The following NRXN3 variants were observed in gnomAD, a reference collection of about 807,000 sequenced individuals.
NRXN3 encodes the protein neurexin III.
Under a neutral mutation model 137.6 loss-of-function variants are expected in NRXN3, and 32 were observed. That is an observed-to-expected ratio of 0.23 (90% CI 0.18 to 0.31). NRXN3 has a LOEUF of 0.31. NRXN3 is among the 10% of genes least tolerant of loss of function. The pLI, the probability that NRXN3 is intolerant of heterozygous loss-of-function variation, is 1.00. For missense variants in NRXN3, 1,574 were observed against 2,062.5 expected (o/e 0.76, Z 4.59); for synonymous variants, 798 against 784.5 (o/e 1.02, Z -0.29).
At chr14:78,929,244 G>A (rs1008844770) in intron 10 of NRXN3, among the ~76,000 whole-genome samples, 1 of 152,030 alleles carries the variant, frequency 6.6e-6, no homozygotes, top group Non-Finnish European at 1.5e-5. Flanking sequence ...ACATGTGCAT[G>A]TTTTTTATAT....
intron 15 of NRXN3, among the ~76,000 whole-genome samples, chr14:79,170,012 G>T (rs1210433175): frequency 2.0e-5 from 3 of 152,080 alleles, no homozygotes; most frequent in Non-Finnish European, 2.9e-5. Flanking sequence ...TATCTCTTAT[G>T]CAAAATTGTA....
chr14:78,265,267 A>G (rs2071505793), intron 2 of NRXN3, among the ~76,000 whole-genome samples: 1 of 151,982 alleles, frequency 6.6e-6, no homozygotes, highest in Non-Finnish European at 1.5e-5. Context: ...GTAGAGAGGA[A>G]TGAACTAGGG....
intron 16 of NRXN3, among the ~76,000 whole-genome samples, chr14:79,565,338 C>T (rs542880505): frequency 8.3e-4 from 112 of 134,534 alleles, no homozygotes; most frequent in African/African-American, 3.1e-3. Flanking sequence ...TATATATATA[C>T]ATATGTGTGC....
At chr14:79,290,772 C>T (rs188001440) in intron 15 of NRXN3, among the ~76,000 whole-genome samples, 2 of 152,034 alleles carry the variant, frequency 1.3e-5, no homozygotes, top group Non-Finnish European at 2.9e-5. Context: ...CATGAGCAAG[C>T]GGTGATAGGC....
intron 16 of NRXN3, among the ~76,000 whole-genome samples, chr14:79,657,199 G>T (rs2098510663): frequency 6.6e-6 from 1 of 152,134 alleles, no homozygotes; most frequent in Admixed American, 6.5e-5. Context: ...TCTAGACAAA[G>T]CTTGAGCCAT....
Position 78,682,504 on chromosome 14 carries a change from G to A in NRXN3, c.1222-26713G>A, listed in dbSNP as rs117893089. On this transcript the variant is annotated intron_variant, in intron 6 of 20. Coordinates refer to ENST00000335750, the MANE Select transcript of NRXN3 (RefSeq NM_001330195.2). ...CCTTGTTAAGGCAGCTGCCTGTACC[G>A]TTGTGGAATCACTTCAGCTACTGTC... Among the ~76,000 whole-genome samples the A allele has an allele frequency of 3.9e-5, 6 of 152,112 alleles. No homozygotes were observed. In the East Asian group the frequency reaches 5.8e-4, roughly 15 times the overall value.
chr14:79,411,558 ACT>A lies in NRXN3; in HGVS notation c.3263-55660_3263-55659del, dbSNP rs201418097. On this transcript the variant is annotated intron_variant, in intron 15 of 20. Coordinates refer to ENST00000335750, the MANE Select transcript of NRXN3 (RefSeq NM_001330195.2). ...AATAAGGAAATGAGTAATAATTATGACTCTACATGCCCTTTATAGTACACAAA... is the reference window on the plus strand; with the variant it reads ...AATAAGGAAATGAGTAATAATTATGACTACATGCCCTTTATAGTACACAAA... Among the ~76,000 whole-genome samples the A allele has an allele frequency of 7.5e-3, 1,138 of 152,162 alleles. 14 individuals are homozygous for A. The highest frequency in any genetic ancestry group is 0.055 in the Middle Eastern group (16 of 292).
intron 19 of NRXN3, among the ~76,000 whole-genome samples, chr14:79,703,235 G>A (rs2098762332): frequency 6.6e-6 from 1 of 152,138 alleles, no homozygotes; most frequent in Non-Finnish European, 1.5e-5. Context: ...AATTTCTCAT[G>A]TTTTGTAAAA....
At chr14:78,899,895 A>T (rs1372468188) in intron 10 of NRXN3, among the ~76,000 whole-genome samples, 1 of 152,020 alleles carries the variant, frequency 6.6e-6, no homozygotes, top group Non-Finnish European at 1.5e-5. Context: ...TATTCCTCTG[A>T]TGAGATAACG....
chr14:79,864,324 T>A lies in NRXN3; in HGVS notation c.*2360T>A, dbSNP rs932140245. 1.3e-5 allele frequency: 2 copies of A among 152,688 alleles called. No homozygotes were observed. The highest frequency in any genetic ancestry group is 4.8e-5 in the African/African-American group (2 of 41,470). 9.5% of individuals were successfully genotyped at this position (152,688 alleles called of 1,614,324 possible). ...GAACCTAAAGGAATTTATTTAATGA[T>A]GTTGTGACATTACTGCTTTTTCTTT... is the stretch of plus-strand genomic sequence containing the variant. On this transcript the variant is annotated 3_prime_UTR_variant, in exon 21 of 21. Transcript: ENST00000335750.
intron 4 of NRXN3, among the ~76,000 whole-genome samples, chr14:78,348,268 A>G (rs556993769): frequency 3.2e-4 from 49 of 152,188 alleles, no homozygotes; most frequent in Non-Finnish European, 5.7e-4. Flanking sequence ...TTCCCAGGGG[A>G]TTCCTATACA....
chr14:79,471,101 G>A (rs148088231), intron 16 of NRXN3, among the ~76,000 whole-genome samples: 443 of 151,872 alleles, frequency 2.9e-3, no homozygotes, highest in African/African-American at 9.7e-3. Flanking sequence ...CAACATTGTC[G>A]TTGGAATATT....
intron 16 of NRXN3, among the ~76,000 whole-genome samples, chr14:79,541,272 G>T (rs766563544): frequency 1.8e-4 from 27 of 152,050 alleles, no homozygotes; most frequent in Non-Finnish European, 3.2e-4. Context: ...GTGTGGTGGC[G>T]CATGCCTGTA....
intron 19 of NRXN3, among the ~76,000 whole-genome samples, chr14:79,713,164 CTTTTTTTTTTTT>C (rs574716352): frequency 4.6e-4 from 37 of 80,890 alleles, no homozygotes; most frequent in African/African-American, 1.8e-3. Flanking sequence ...CTGATTTTTA[CTTTTTTTTTTTT>C]TTTTTTTTTT....
chr14:79,133,132 T>C (rs1459977608), intron 15 of NRXN3, among the ~76,000 whole-genome samples: 1 of 152,242 alleles, frequency 6.6e-6, no homozygotes, highest in Admixed American at 6.5e-5. Context: ...CATTACAGTG[T>C]CTACTATACT....
chr14:78,246,523 C>T (rs1322416883), intron 2 of NRXN3, among the ~76,000 whole-genome samples: 1 of 152,118 alleles, frequency 6.6e-6, no homozygotes, highest in Non-Finnish European at 1.5e-5. Flanking sequence ...ACTTGGCTGG[C>T]TTGGAACAGA....
chr14:79,731,915 A>G (rs1037193794), intron 19 of NRXN3, among the ~76,000 whole-genome samples: 18 of 151,038 alleles, frequency 1.2e-4, no homozygotes, highest in Non-Finnish European at 1.3e-4. Context: ...TTTCTAAAGT[A>G]TGTGTTTCTG....
chr14:79,836,667 C>T lies in NRXN3; in HGVS notation c.4094-24675C>T, dbSNP rs568986640. ...ATCTTAGATTGAGGGTCCCAGAGAA[C>T]CTCATGTATGTGAATGTTAGCACAG... On this transcript the variant is annotated intron_variant, in intron 20 of 20. Coordinates refer to ENST00000335750, the MANE Select transcript of NRXN3 (RefSeq NM_001330195.2). 2.0e-5 allele frequency among the ~76,000 whole-genome samples: 3 copies of T among 152,220 alleles called. No homozygotes were observed. In the East Asian group the frequency reaches 5.8e-4, roughly 29 times the overall value.
intron 4 of NRXN3, among the ~76,000 whole-genome samples, chr14:78,393,988 G>A (rs2091126032): frequency 1.3e-5 from 2 of 151,956 alleles, no homozygotes; most frequent in South Asian, 4.1e-4. Context: ...TTCTATGTGT[G>A]TGTGTGTATG....
Sources: gnomAD v4.1 joint callset for allele counts (sites outside exome capture counted in the v4.1 genomes callset) on GRCh38, gnomAD v4.1.1 for gene constraint, MANE v1.5 for transcripts, NCBI Gene and HGNC (gene_info 2026-07-23, HGNC 2026-07-21) for gene names.